The following PDGFC variants were observed in gnomAD, a reference collection of about 807,000 sequenced individuals.
PDGFC encodes platelet-derived growth factor C.
A neutral mutation model predicts 35.5 loss-of-function variants in PDGFC; 12 were observed. The ratio of observed to expected loss-of-function variants is 0.34; its 90% confidence interval spans 0.22 to 0.55. The LOEUF is 0.55. PDGFC is among the 20% of genes least tolerant of loss of function. The pLI is 0.91. For missense variants in PDGFC, 322 were observed against 412.4 expected, an observed-to-expected ratio of 0.78 and a Z score of 1.90; for synonymous variants, 159 against 148.8, an observed-to-expected ratio of 1.07 and a Z score of -0.50.
intron 2 of PDGFC, among the ~76,000 whole-genome samples, chr4:156,834,618 T>C (rs1453848089): frequency 6.6e-6 from 1 of 151,836 alleles, no homozygotes; most frequent in East Asian, 1.9e-4. Context: ...GAGAAAGGAG[T>C]AGGGGGTTAA....
rs1330468457 is a variant in PDGFC, at chr4:156,761,251, A to T, written c.*1839T>A. 2.0e-5 allele frequency: 3 copies of T among 152,252 alleles called. No individual in the cohort carries two copies. The highest frequency in any genetic ancestry group is 6.5e-5 in the Admixed American group (1 of 15,290). 9.4% of individuals were successfully genotyped at this position (152,252 alleles called of 1,614,324 possible). ...GCAATGTACAATAATCCATGCACCA[A>T]ATCAATTTATGCTCACCCCATTTAG... On this transcript the variant is annotated 3_prime_UTR_variant, in exon 6 of 6. Transcript: ENST00000502773.
intron 1 of PDGFC, among the ~76,000 whole-genome samples, chr4:156,912,336 C>G (rs185080915): frequency 6.6e-6 from 1 of 152,144 alleles, no homozygotes; most frequent in Admixed American, 6.6e-5. Flanking sequence ...AACACTGCAT[C>G]TACTATATCT....
chr4:156,970,983 G>A lies in PDGFC; in HGVS notation c.-80C>T. 1.1e-6 allele frequency: 1 copy of A among 888,432 alleles called. No individual in the cohort carries two copies. The highest frequency in any genetic ancestry group is 1.9e-6 in the Non-Finnish European group (1 of 539,578). 55.0% of individuals were successfully genotyped at this position (888,432 alleles called of 1,614,324 possible). On this transcript the variant is annotated 5_prime_UTR_variant, in exon 1 of 6. Coordinates refer to ENST00000502773, the MANE Select transcript of PDGFC (RefSeq NM_016205.3). Reference sequence around the variant, plus strand: ...CCCGAGTCTCTTTCACCACCGCCAGGGGAAGGCTGCACTGGGGTGGAAGCG... The same window carrying A: ...CCCGAGTCTCTTTCACCACCGCCAGAGGAAGGCTGCACTGGGGTGGAAGCG...
chr4:156,952,535 A>C (rs777002205), intron 1 of PDGFC, among the ~76,000 whole-genome samples: 12 of 151,864 alleles, frequency 7.9e-5, no homozygotes, highest in Non-Finnish European at 1.6e-4. Flanking sequence ...TATCTACTGC[A>C]GTACAAAGAG....
intron 1 of PDGFC, among the ~76,000 whole-genome samples, chr4:156,907,735 T>C (rs1730949558): frequency 6.6e-6 from 1 of 152,156 alleles, no homozygotes; most frequent in Non-Finnish European, 1.5e-5. Context: ...TGGGGGTCCT[T>C]CACCTGGGAT....
chr4:156,934,563 T>C (rs1199908599), intron 1 of PDGFC, among the ~76,000 whole-genome samples: 1 of 152,202 alleles, frequency 6.6e-6, no homozygotes, highest in East Asian at 1.9e-4. Flanking sequence ...AATATTTTAC[T>C]TTCTTACATA....
At chr4:156,963,237 G>A (rs1340324372) in intron 1 of PDGFC, among the ~76,000 whole-genome samples, 4 of 152,064 alleles carry the variant, frequency 2.6e-5, no homozygotes, top group Non-Finnish European at 5.9e-5. Flanking sequence ...GGAGGCCGAG[G>A]TGGAAGGATC....
At position 156,971,407 on chromosome 4, in the gene PDGFC, C is replaced by G; in HGVS notation, c.-504G>C. On this transcript the variant is annotated 5_prime_UTR_variant, in exon 1 of 6. Coordinates refer to ENST00000502773, the MANE Select transcript of PDGFC (RefSeq NM_016205.3). ...CGGCTCTCCGGGCGCCCCTCTCCCC[C>G]GCCCCACCCCCCACCCCCGAAGGGG... The G allele has an allele frequency of 2.6e-6, 1 of 391,032 alleles. No individual in the cohort carries two copies. Among genetic ancestry groups the G allele is most frequent in the Non-Finnish European group, 4.5e-6 (1 of 221,572 alleles). The allele number at this position is 391,032 out of a possible 1,614,324, so 24.2% of individuals were successfully genotyped here.
At chr4:156,859,284 A>G (rs1729653616) in intron 1 of PDGFC, among the ~76,000 whole-genome samples, 1 of 152,048 alleles carries the variant, frequency 6.6e-6, no homozygotes, top group Non-Finnish European at 1.5e-5. Flanking sequence ...TTTTAGCTTC[A>G]AAAGTGAATG....
intron 1 of PDGFC, among the ~76,000 whole-genome samples, chr4:156,916,192 A>G (rs946079648): frequency 6.6e-6 from 1 of 152,178 alleles, no homozygotes; most frequent in African/African-American, 2.4e-5. Flanking sequence ...CAAGGCACAG[A>G]GACAATCAGA....
intron 1 of PDGFC, among the ~76,000 whole-genome samples, chr4:156,855,136 A>G (rs1729543376): frequency 6.6e-6 from 1 of 152,130 alleles, no homozygotes; most frequent in Non-Finnish European, 1.5e-5. Context: ...TATATCTGTA[A>G]GTAGTCAGTT....
intron 1 of PDGFC, among the ~76,000 whole-genome samples, chr4:156,929,773 A>T (rs1207093291): frequency 6.6e-6 from 1 of 152,212 alleles, no homozygotes; most frequent in African/African-American, 2.4e-5. Flanking sequence ...TGACTTATGG[A>T]TATTAGAAAT....
chr4:156,788,161 C>A (rs1383439575), intron 3 of PDGFC, among the ~76,000 whole-genome samples: 1 of 151,866 alleles, frequency 6.6e-6, no homozygotes, highest in Admixed American at 6.6e-5. Context: ...GACAAGGAGT[C>A]TCACCGATAA....
intron 1 of PDGFC, among the ~76,000 whole-genome samples, chr4:156,964,828 A>G (rs896962794): frequency 2.0e-5 from 3 of 152,116 alleles, no homozygotes; most frequent in African/African-American, 7.2e-5. Flanking sequence ...TTCCAACTCT[A>G]ACATTCCTCA....
At chr4:156,922,479 T>C (rs551818196) in intron 1 of PDGFC, among the ~76,000 whole-genome samples, 2 of 152,328 alleles carry the variant, frequency 1.3e-5, no homozygotes, top group Admixed American at 1.3e-4. Flanking sequence ...TATGGTGTGA[T>C]AAGTGTTACA....
intron 4 of PDGFC, 57 bp from the exon 5 acceptor site, chr4:156,768,047 G>A: frequency 1.0e-6 from 1 of 987,612 alleles, no homozygotes; most frequent in Non-Finnish European, 1.6e-6. Flanking sequence ...GAGCCTGAAT[G>A]TATTTCATTA....
intron 1 of PDGFC, among the ~76,000 whole-genome samples, chr4:156,922,838 G>A (rs1205989717): frequency 6.6e-6 from 1 of 152,202 alleles, no homozygotes; most frequent in African/African-American, 2.4e-5. Flanking sequence ...AAGAATGGAT[G>A]AGACAGTGAA....
chr4:156,964,451 T>C (rs1445963925), intron 1 of PDGFC, among the ~76,000 whole-genome samples: 1 of 148,612 alleles, frequency 6.7e-6, no homozygotes, highest in Non-Finnish European at 1.5e-5. Context: ...ATATACTGTA[T>C]ATATAGTACA....
intron 1 of PDGFC, among the ~76,000 whole-genome samples, chr4:156,869,230 G>A (rs561983814): frequency 1.3e-5 from 2 of 151,954 alleles, no homozygotes; most frequent in East Asian, 3.9e-4. Context: ...TCAGGAGATC[G>A]AGACCATCCT....
Sources: gnomAD v4.1 joint callset for allele counts (sites outside exome capture counted in the v4.1 genomes callset) on GRCh38, gnomAD v4.1.1 for gene constraint, MANE v1.5 for transcripts, NCBI Gene and HGNC (gene_info 2026-07-23, HGNC 2026-07-21) for gene names.